The following ZNF610 variants were observed in gnomAD, a reference collection of about 807,000 sequenced individuals.
ZNF610 encodes the protein zink finger protein.
Under a neutral mutation model 14.1 loss-of-function variants are expected in ZNF610, and 14 were observed. The observed-to-expected ratio is 0.99, with a 90% CI of 0.65 to 1.55. The LOEUF (loss-of-function observed/expected upper bound fraction) is 1.55, where lower values mean the gene tolerates loss of function less well. Ranked by LOEUF, ZNF610 falls within the 40% of genes most tolerant of loss-of-function variation. The pLI is 0.00. For missense variants in ZNF610, 530 were observed against 558.0 expected (o/e 0.95, Z 0.51); for synonymous variants, 185 against 187.6 (o/e 0.99, Z 0.11).
At chr19:52,363,322 G>A (rs1189706223) in intron 5 of ZNF610, among the ~76,000 whole-genome samples, 1 of 152,058 alleles carries the variant, frequency 6.6e-6, no homozygotes, top group African/African-American at 2.4e-5. Flanking sequence ...TAGAGATGGG[G>A]GTTTCGCCAT....
the ZNF610 span, chr19:52,330,419 G>C: frequency 2.0e-5 from 3 of 152,148 alleles, no homozygotes; most frequent in South Asian, 2.1e-4. Flanking sequence ...CAGGCCCTGA[G>C]ATAAAGGTTT....
chr19:52,335,715 A>G (rs75894773), upstream of ZNF610, among the ~76,000 whole-genome samples: 7,127 of 152,220 alleles, frequency 0.047, 239 homozygotes, highest in Non-Finnish European at 0.068. Flanking sequence ...GAAGATTTCT[A>G]TTATGTTCTG....
At chr19:52,352,468 C>T (rs1450809209) in intron 3 of ZNF610, among the ~76,000 whole-genome samples, 1 of 152,056 alleles carries the variant, frequency 6.6e-6, no homozygotes, top group Non-Finnish European at 1.5e-5. Context: ...GAACTCCCCA[C>T]CTCAGGTGAT....
At chr19:52,342,629 C>T (rs916294083) in intron 1 of ZNF610, among the ~76,000 whole-genome samples, 7 of 151,432 alleles carry the variant, frequency 4.6e-5, no homozygotes, top group Non-Finnish European at 7.4e-5. Context: ...AAGTGATTCT[C>T]CCACCTCAGC....
chr19:52,339,009 A>G (rs1984530579), intron 1 of ZNF610, among the ~76,000 whole-genome samples: 1 of 151,940 alleles, frequency 6.6e-6, no homozygotes, highest in Non-Finnish European at 1.5e-5. Flanking sequence ...GGACAAAGGT[A>G]ATAGTGGGGA....
At chr19:52,355,347 A>T (rs1454736287) in intron 5 of ZNF610, among the ~76,000 whole-genome samples, 1 of 152,036 alleles carries the variant, frequency 6.6e-6, no homozygotes, top group Admixed American at 6.6e-5. Context: ...TCTTTTTTGC[A>T]TCTGGGCCCT....
chr19:52,342,388 C>A (rs1299975164), intron 1 of ZNF610, among the ~76,000 whole-genome samples: 1 of 152,104 alleles, frequency 6.6e-6, no homozygotes, highest in Non-Finnish European at 1.5e-5. Flanking sequence ...GCCCCTGCAC[C>A]AGGCTTAATA....
At chr19:52,334,960 A>ACACACACACACACACACACACACTCAG (rs59969071), upstream of ZNF610, among the ~76,000 whole-genome samples, 1 of 136,454 alleles carries the variant, frequency 7.3e-6, no homozygotes, top group South Asian at 2.3e-4. Context: ...CACACACACA[A>ACACACACACACACACACACACACTCAG]TGTAATTTAC....
chr19:52,341,072 C>T (rs972645358), intron 1 of ZNF610, among the ~76,000 whole-genome samples: 1 of 152,130 alleles, frequency 6.6e-6, no homozygotes, highest in Non-Finnish European at 1.5e-5. Context: ...CCTTTTCGTT[C>T]CATTTTTCAA....
chr19:52,365,635 C>A, intron 5 of ZNF610, 63 bp from the exon 6 acceptor site: 2 of 1,436,530 alleles, frequency 1.4e-6, no homozygotes, highest in Non-Finnish European at 1.9e-6. Context: ...ATTCTGGTCC[C>A]TCCACCAGAC....
At chr19:52,351,732 C>T (rs956128217) in intron 3 of ZNF610, among the ~76,000 whole-genome samples, 1 of 152,190 alleles carries the variant, frequency 6.6e-6, no homozygotes. Context: ...CGTGTAACTG[C>T]GGGCTCTGAT....
In ZNF610 at chr19:52,336,474, G is replaced by C. The variant is rs1444376014; in HGVS notation, c.-290G>C. 2 of 165,930 alleles carry C rather than the reference G, an allele frequency of 1.2e-5. No homozygotes were observed. The highest frequency in any genetic ancestry group is 2.6e-4 in the South Asian group (2 of 7,790). The allele number at this position is 165,930 out of a possible 1,614,324, so 10.3% of individuals were successfully genotyped here. On this transcript the variant is annotated 5_prime_UTR_variant, in exon 1 of 6. Coordinates refer to ENST00000403906, the MANE Select transcript of ZNF610 (RefSeq NM_001161425.2). ...TGTGTGTTAAAATCGCTCGGCGACG[G>C]GTCCTGTCCCCGCTCGTTCTGCCTT...
intron 1 of ZNF610, among the ~76,000 whole-genome samples, chr19:52,345,862 G>A (rs370637908): frequency 8.7e-5 from 13 of 149,344 alleles, no homozygotes; most frequent in Admixed American, 1.3e-4. Flanking sequence ...TCACCACCAC[G>A]CCCAGCTAAT....
chr19:52,354,479 CAT>C (rs1384506671), intron 5 of ZNF610, 100 bp downstream of exon 5: 1 of 1,317,202 alleles, frequency 7.6e-7, no homozygotes, highest in Admixed American at 2.6e-5. Context: ...CAGTGGCAAT[CAT>C]AGCTCACTGC....
At chr19:52,345,877 TG>T (rs1984919578) in intron 1 of ZNF610, among the ~76,000 whole-genome samples, 1 of 149,810 alleles carries the variant, frequency 6.7e-6, no homozygotes, top group African/African-American at 2.5e-5. Flanking sequence ...GCTAATTTTT[TG>T]TATTTTTAGT....
At position 52,365,826 on chromosome 19, in the gene ZNF610, C is replaced by A. The variant is rs1217764464; in HGVS notation, c.448C>A (p.Gln150Lys). Residue 150 changes from glutamine to lysine, a missense_variant, in exon 6 of 6, where the codon CAA (glutamine) becomes AAA (lysine). Physicochemically the swap from Gln to Lys is moderately conservative, Grantham distance 53. Coordinates refer to ENST00000403906, the MANE Select transcript of ZNF610 (RefSeq NM_001161425.2). ...CGGAAGGAAAATTTACAGAAGTAAT[C>A]AAGTTGAAAAGTTTACAAACCATCG... Reference protein sequence around the residue: ...QAGRKIYRSNQVEKFTNHRSS... With the variant: ...QAGRKIYRSNKVEKFTNHRSS... The A allele has an allele frequency of 6.2e-7, 1 of 1,614,154 alleles. No homozygotes were observed. Among genetic ancestry groups the A allele is most frequent in the East Asian group, 2.2e-5 (1 of 44,876 alleles).
At chr19:52,340,118 G>C (rs1280629445) in intron 1 of ZNF610, among the ~76,000 whole-genome samples, 1 of 152,208 alleles carries the variant, frequency 6.6e-6, no homozygotes, top group Non-Finnish European at 1.5e-5. Context: ...TGGTCAGCAC[G>C]GGCCAGACGC....
chr19:52,339,617 C>A (rs112866810), intron 1 of ZNF610, among the ~76,000 whole-genome samples: 8 of 149,510 alleles, frequency 5.4e-5, no homozygotes, highest in African/African-American at 1.0e-4. Context: ...GTTACAGATT[C>A]ACAGCATCTC....
Position 52,366,375 on chromosome 19 carries a change from AATC to A in ZNF610, c.1002_1004del (p.His334del), listed in dbSNP as rs1456133798. On this transcript the variant is annotated inframe_deletion, in exon 6 of 6. Transcript: ENST00000403906. Reference sequence around the variant, plus strand: ...CTTCAGGCACAAATTTTCTCTAACCAATCATCAGAGAAGTCACACGGCGGAAAA... The same window carrying A: ...CTTCAGGCACAAATTTTCTCTAACCAATCAGAGAAGTCACACGGCGGAAAA... The A allele has an allele frequency of 6.2e-7, 1 of 1,614,042 alleles. No homozygotes were observed. The highest frequency in any genetic ancestry group is 8.5e-7 in the Non-Finnish European group (1 of 1,180,024).
Sources: gnomAD v4.1 joint callset for allele counts (sites outside exome capture counted in the v4.1 genomes callset) on GRCh38, gnomAD v4.1.1 for gene constraint, MANE v1.5 for transcripts, NCBI Gene and HGNC (gene_info 2026-07-23, HGNC 2026-07-21) for gene names.